SPAG16: variants seen among roughly 807,000 people sequenced by gnomAD.
SPAG16 encodes sperm associated antigen 16.
Under a neutral mutation model 80.4 loss-of-function variants are expected in SPAG16, and 86 were observed. The observed-to-expected ratio is 1.07, with a 90% CI of 0.90 to 1.28. The LOEUF is 1.28. Ranked by LOEUF, SPAG16 falls within the 50% of genes most tolerant of loss-of-function variation. The probability of loss-of-function intolerance (pLI) is 0.00; values close to 1 mark genes in which losing one functional copy is unlikely to be tolerated. For synonymous variants in SPAG16, 294 were observed against 265.9 expected, an observed-to-expected ratio of 1.11 and a Z score of -1.03; for missense variants, 870 against 765.3, an observed-to-expected ratio of 1.14 and a Z score of -1.61.
intron 10 of SPAG16, among the ~76,000 whole-genome samples, chr2:213,609,702 C>T (rs984703344): frequency 4.6e-5 from 7 of 152,184 alleles, no homozygotes; most frequent in Non-Finnish European, 8.8e-5. Context: ...CTCCAAACTG[C>T]CACTTTATAT....
chr2:213,361,808 C>T (rs1292393326), intron 7 of SPAG16, among the ~76,000 whole-genome samples: 2 of 151,576 alleles, frequency 1.3e-5, no homozygotes, highest in Non-Finnish European at 2.9e-5. Context: ...CACACACACA[C>T]ACACACACAC....
At chr2:214,375,757 T>C (rs1700086863) in intron 15 of SPAG16, among the ~76,000 whole-genome samples, 1 of 152,196 alleles carries the variant, frequency 6.6e-6, no homozygotes, top group Non-Finnish European at 1.5e-5. Flanking sequence ...TATGGCATCA[T>C]ACCCACTGTG....
At chr2:214,008,006 C>A (rs138073449) in intron 12 of SPAG16, among the ~76,000 whole-genome samples, 1 of 152,186 alleles carries the variant, frequency 6.6e-6, no homozygotes, top group Non-Finnish European at 1.5e-5. Flanking sequence ...CACAATTATA[C>A]TTATGTTAGA....
At chr2:213,692,289 T>A (rs1008313831) in intron 10 of SPAG16, among the ~76,000 whole-genome samples, 2 of 152,192 alleles carry the variant, frequency 1.3e-5, no homozygotes, top group Admixed American at 6.5e-5. Flanking sequence ...TTACAGTACC[T>A]TTTTTAAGTG....
chr2:214,254,798 CATTTTT>C (rs1690564790), intron 15 of SPAG16, among the ~76,000 whole-genome samples: 1 of 151,812 alleles, frequency 6.6e-6, no homozygotes, highest in South Asian at 2.1e-4. Flanking sequence ...GGGGAAAACT[CATTTTT>C]ATTTTCTAAT....
chr2:213,760,075 C>T (rs760804092), intron 10 of SPAG16, among the ~76,000 whole-genome samples: 1 of 151,876 alleles, frequency 6.6e-6, no homozygotes, highest in Admixed American at 6.6e-5. Flanking sequence ...AGTAAAATGA[C>T]AGAAGTAGCT....
intron 10 of SPAG16, among the ~76,000 whole-genome samples, chr2:213,742,841 GC>G (rs1323112126): frequency 2.0e-5 from 3 of 152,068 alleles, no homozygotes; most frequent in Non-Finnish European, 4.4e-5. Flanking sequence ...GGGATTACAG[GC>G]GTGAGCCACC....
intron 9 of SPAG16, among the ~76,000 whole-genome samples, chr2:213,406,512 A>C (rs1015928233): frequency 6.6e-6 from 1 of 152,234 alleles, no homozygotes; most frequent in Non-Finnish European, 1.5e-5. Context: ...TTTATGAAAT[A>C]ATGTTATGAA....
chr2:214,384,198 G>A (rs931374574), intron 15 of SPAG16, among the ~76,000 whole-genome samples: 1 of 152,192 alleles, frequency 6.6e-6, no homozygotes, highest in Admixed American at 6.5e-5. Flanking sequence ...TATTGGAGTT[G>A]TCTGAAAGGA....
At chr2:213,610,478 T>C (rs186641500) in intron 10 of SPAG16, among the ~76,000 whole-genome samples, 6 of 152,304 alleles carry the variant, frequency 3.9e-5, no homozygotes, top group Admixed American at 3.3e-4. Context: ...TGGCCAGACC[T>C]CCTGTTCTCC....
chr2:214,136,308 T>C (rs1276402512), intron 14 of SPAG16, among the ~76,000 whole-genome samples: 3 of 152,136 alleles, frequency 2.0e-5, no homozygotes, highest in Non-Finnish European at 4.4e-5. Context: ...GGTTTTCAAT[T>C]CCGAGCCTGT....
At chr2:213,297,593 CCTT>C (rs111937407) in intron 3 of SPAG16, among the ~76,000 whole-genome samples, 29,488 of 152,018 alleles carry the variant, frequency 0.19, 3,761 homozygotes, top group Non-Finnish European at 0.29. Context: ...TCAAGTGACA[CCTT>C]CTCTCTGAAC....
chr2:214,097,463 A>G (rs1260726221), intron 13 of SPAG16, among the ~76,000 whole-genome samples: 2 of 152,080 alleles, frequency 1.3e-5, no homozygotes, highest in Non-Finnish European at 2.9e-5. Context: ...GCAACAGTGC[A>G]CAAAACTTTA....
At chr2:213,385,049 A>G (rs528738278) in intron 9 of SPAG16, among the ~76,000 whole-genome samples, 2 of 152,244 alleles carry the variant, frequency 1.3e-5, no homozygotes, top group African/African-American at 4.8e-5. Flanking sequence ...ACTCTCTACT[A>G]TCATCTTAGA....
At chr2:213,771,733 C>A (rs2069261673) in intron 10 of SPAG16, among the ~76,000 whole-genome samples, 1 of 152,112 alleles carries the variant, frequency 6.6e-6, no homozygotes, top group South Asian at 2.1e-4. Flanking sequence ...TTGTTTTCAT[C>A]AGGTTTGTTG....
chr2:213,680,418 T>A (rs1244448414), intron 10 of SPAG16, among the ~76,000 whole-genome samples: 1 of 146,992 alleles, frequency 6.8e-6, no homozygotes, highest in Non-Finnish European at 1.5e-5. Context: ...GAGGAACAAA[T>A]ACCTTCTCTA....
chr2:213,346,974 T>A (rs1036007619), intron 6 of SPAG16, among the ~76,000 whole-genome samples: 1 of 152,234 alleles, frequency 6.6e-6, no homozygotes, highest in African/African-American at 2.4e-5. Context: ...CAGCTCCTCC[T>A]TGTACCTCTG....
At chr2:214,123,877 T>C (rs1329356794) in intron 14 of SPAG16, among the ~76,000 whole-genome samples, 4 of 152,028 alleles carry the variant, frequency 2.6e-5, no homozygotes, top group Admixed American at 2.6e-4. Context: ...GAACTAGGAA[T>C]AGATTAAACA....
At chr2:213,799,920 G>A (rs2071274291) in intron 10 of SPAG16, among the ~76,000 whole-genome samples, 1 of 149,842 alleles carries the variant, frequency 6.7e-6, no homozygotes, top group Non-Finnish European at 1.5e-5. Flanking sequence ...ACATGCATGT[G>A]CAGTGTCTAC....
Sources: allele counts gnomAD v4.1 joint callset (sites outside exome capture counted in the v4.1 genomes callset), GRCh38; gene constraint gnomAD v4.1.1; transcripts MANE v1.5; gene names NCBI Gene and HGNC (gene_info 2026-07-23, HGNC 2026-07-21).